Variants in EML6 observed in about 807,000 individuals in gnomAD.
EML6 encodes echinoderm microtubule-associated protein-like 6.
EML6 carries 154 observed loss-of-function variants against 240.1 expected under a neutral mutation model. The ratio of observed to expected loss-of-function variants is 0.64; its 90% CI spans 0.56 to 0.73. The LOEUF is 0.73. Among genes scored for constraint, EML6 ranks in the 30% least tolerant of loss-of-function variants. The probability of loss-of-function intolerance (pLI) is 0.00; values close to 1 mark genes in which losing one functional copy is unlikely to be tolerated. For missense variants in EML6, 2,964 were observed against 2,474.6 expected (o/e 1.20, Z -4.20); for synonymous variants, 1,148 against 899.0 (o/e 1.28, Z -4.95).
intron 5 of EML6, among the ~76,000 whole-genome samples, chr2:54,826,016 A>G (rs1483355120): frequency 6.6e-6 from 1 of 152,160 alleles, no homozygotes; most frequent in Admixed American, 6.5e-5. Context: ...TTAGTTCTCT[A>G]CCTTTGAATT....
intron 2 of EML6, among the ~76,000 whole-genome samples, chr2:54,789,063 C>G (rs918833778): frequency 6.6e-6 from 1 of 152,166 alleles, no homozygotes; most frequent in East Asian, 1.9e-4. Context: ...ATCTGTTATC[C>G]TTTCTCTTTC....
At chr2:54,894,406 A>G (rs576251778) in intron 19 of EML6, among the ~76,000 whole-genome samples, 1 of 152,330 alleles carries the variant, frequency 6.6e-6, no homozygotes, top group South Asian at 2.1e-4. Context: ...TGTCTATTGA[A>G]TGAAATAGGA....
At chr2:54,790,598 T>A (rs1165095113) in intron 2 of EML6, among the ~76,000 whole-genome samples, 2 of 152,108 alleles carry the variant, frequency 1.3e-5, no homozygotes, top group East Asian at 1.9e-4. Flanking sequence ...TTTAATAGAC[T>A]TAGAAGCAAG....
chr2:54,892,233 G>T (rs1041100381), intron 18 of EML6, among the ~76,000 whole-genome samples: 1 of 152,130 alleles, frequency 6.6e-6, no homozygotes, highest in Non-Finnish European at 1.5e-5. Context: ...AACAGTGAGC[G>T]CTGCACTTAC....
intron 2 of EML6, among the ~76,000 whole-genome samples, chr2:54,760,933 C>T (rs1301799967): frequency 6.7e-6 from 1 of 149,828 alleles, no homozygotes; most frequent in African/African-American, 2.5e-5. Flanking sequence ...AAGCATGAGG[C>T]TTAGTATGAT....
chr2:54,733,277 T>C (rs1264774382), intron 2 of EML6, among the ~76,000 whole-genome samples: 2 of 152,262 alleles, frequency 1.3e-5, no homozygotes, highest in African/African-American at 4.8e-5. Flanking sequence ...TCATTTTTAG[T>C]TTAACTGCTG....
chr2:54,792,243 C>T (rs772763558), intron 2 of EML6, among the ~76,000 whole-genome samples: 1 of 152,116 alleles, frequency 6.6e-6, no homozygotes, highest in African/African-American at 2.4e-5. Context: ...AAATGGGTCT[C>T]GATATATTTT....
At chr2:54,865,006 T>C (rs1188247257) in intron 13 of EML6, among the ~76,000 whole-genome samples, 1 of 152,246 alleles carries the variant, frequency 6.6e-6, no homozygotes, top group Non-Finnish European at 1.5e-5. Flanking sequence ...GATTATTGTC[T>C]GTGGCCATAC....
intron 2 of EML6, among the ~76,000 whole-genome samples, chr2:54,802,575 G>A (rs950804578): frequency 6.6e-6 from 1 of 151,716 alleles, no homozygotes; most frequent in East Asian, 1.9e-4. Flanking sequence ...CTGTCATCAT[G>A]CCACTGCACT....
At chr2:54,839,358 A>G (rs1669321692) in intron 7 of EML6, among the ~76,000 whole-genome samples, 1 of 152,210 alleles carries the variant, frequency 6.6e-6, no homozygotes, top group African/African-American at 2.4e-5. Flanking sequence ...ATGGTTATCT[A>G]AGGAATGAGA....
chr2:54,857,866 A>G (rs928095787), intron 11 of EML6, among the ~76,000 whole-genome samples: 13 of 152,352 alleles, frequency 8.5e-5, no homozygotes, highest in Middle Eastern at 3.4e-3. Flanking sequence ...GAGAGAGGGC[A>G]GAAAGAAAAG....
At chr2:54,824,390 A>G (rs549631374) in intron 5 of EML6, among the ~76,000 whole-genome samples, 1 of 152,328 alleles carries the variant, frequency 6.6e-6, no homozygotes, top group African/African-American at 2.4e-5. Context: ...GCTTAGAAAT[A>G]TAATACATTT....
At chr2:54,862,198 G>A (rs546616298) in intron 12 of EML6, among the ~76,000 whole-genome samples, 7 of 151,778 alleles carry the variant, frequency 4.6e-5, no homozygotes, top group Admixed American at 3.9e-4. Flanking sequence ...AATTAGCCAG[G>A]CAAGGTGGAG....
chr2:54,829,375 G>C lies in EML6; in HGVS notation c.745G>C (p.Gly249Arg), dbSNP rs1668751589. ...GIFSMYACEE[G>R]FATGGRDGCI... ...CTTTAGCATGTATGCTTGTGAAGAAGGCTTTGCCACTGGTGGGCGAGATGG... is the reference window on the plus strand; with the variant it reads ...CTTTAGCATGTATGCTTGTGAAGAACGCTTTGCCACTGGTGGGCGAGATGG... Residue 249 changes from glycine (G) to arginine (R), a missense_variant, in exon 7 of 42, where the codon GGC becomes CGC. By Grantham distance (125) the Gly-to-Arg change is moderately radical. Transcript: ENST00000356458. The C allele has an allele frequency of 6.4e-7, 1 of 1,551,876 alleles. No homozygotes were observed. Among genetic ancestry groups the C allele is most frequent in the Non-Finnish European group, 8.7e-7 (1 of 1,146,994 alleles).
At chr2:54,810,854 A>G (rs571915102) in intron 2 of EML6, among the ~76,000 whole-genome samples, 1 of 152,248 alleles carries the variant, frequency 6.6e-6, no homozygotes, top group East Asian at 1.9e-4. Flanking sequence ...TCCAGATGTG[A>G]TGCTAACCTG....
At chr2:54,806,031 G>A (rs192991417) in intron 2 of EML6, among the ~76,000 whole-genome samples, 215 of 151,870 alleles carry the variant, frequency 1.4e-3, no homozygotes, top group African/African-American at 4.9e-3. Context: ...GCAATATTCT[G>A]TCTTAATTCC....
intron 3 of EML6, among the ~76,000 whole-genome samples, 151 bp downstream of exon 3, chr2:54,813,542 T>C (rs1018306085): frequency 1.3e-5 from 2 of 152,218 alleles, no homozygotes; most frequent in Non-Finnish European, 2.9e-5. Context: ...TTTTCCCCTT[T>C]AAAGCTATGG....
chr2:54,801,115 T>G (rs1040421380), intron 2 of EML6, among the ~76,000 whole-genome samples: 1 of 151,888 alleles, frequency 6.6e-6, no homozygotes, highest in African/African-American at 2.4e-5. Context: ...GGTCAGGAGA[T>G]TGAGACCATC....
chr2:54,798,507 C>A (rs115605214), intron 2 of EML6, among the ~76,000 whole-genome samples: 17 of 152,264 alleles, frequency 1.1e-4, no homozygotes, highest in Admixed American at 4.6e-4. Context: ...AGCTATACAT[C>A]TTTTTGTTAA....
Sources: gnomAD v4.1 joint callset for allele counts (sites outside exome capture counted in the v4.1 genomes callset) on GRCh38, gnomAD v4.1.1 for gene constraint, MANE v1.5 for transcripts, NCBI Gene and HGNC (gene_info 2026-07-23, HGNC 2026-07-21) for gene names.